TOGARAM2: variants seen among roughly 807,000 people sequenced by gnomAD.
The protein encoded by TOGARAM2 is TOG array regulator of axonemal microtubules 2.
TOGARAM2 carries 85 observed loss-of-function variants against 93.3 expected under a neutral mutation model. The observed-to-expected ratio is 0.91, with a 90% CI of 0.76 to 1.09. The LOEUF is 1.09. Among genes scored for constraint, TOGARAM2 ranks in the 50% least tolerant of loss-of-function variants. The pLI, the probability that TOGARAM2 is intolerant of heterozygous loss-of-function variation, is 0.00. For synonymous variants in TOGARAM2, 593 were observed against 552.8 expected (o/e 1.07, Z -1.02); for missense variants, 1,277 against 1,334.5 (o/e 0.96, Z 0.67).
chr2:29,006,898 C>T (rs1385582123), intron 6 of TOGARAM2, among the ~76,000 whole-genome samples: 1 of 152,164 alleles, frequency 6.6e-6, no homozygotes, highest in Non-Finnish European at 1.5e-5. Context: ...GACTCACTGG[C>T]CCCAGACCTG....
At position 29,024,232 on chromosome 2, in the gene TOGARAM2, G is replaced by C. The variant is rs374395431; in HGVS notation, c.1711G>C (p.Glu571Gln). The C allele has an allele frequency of 6.2e-7, 1 of 1,610,490 alleles. No individual in the cohort carries two copies. ...ALKKNMDQEA[E>Q]EIARCLLQKM... is the part of the protein sequence containing the mutation. ...GAAGAAGAATATGGACCAGGAGGCCGAGGAGATCGCCCGCTGCTTGCTGCA... is the reference window on the plus strand; with the variant it reads ...GAAGAAGAATATGGACCAGGAGGCCCAGGAGATCGCCCGCTGCTTGCTGCA... The change falls in exon 13 of 20, where the codon GAG becomes CAG. Residue 571 changes from glutamate to glutamine, a missense_variant. By Grantham distance (29) the Glu-to-Gln change is conservative. Coordinates refer to ENST00000379558, the MANE Select transcript of TOGARAM2 (RefSeq NM_199280.4).
chr2:29,006,545 C>A (rs1055723272), intron 6 of TOGARAM2, among the ~76,000 whole-genome samples: 3 of 152,062 alleles, frequency 2.0e-5, no homozygotes, highest in African/African-American at 7.3e-5. Context: ...TCAGTAGAGT[C>A]ACAATCCAGT....
intron 15 of TOGARAM2, 67 bp downstream of exon 15, chr2:29,033,118 G>A: frequency 2.2e-6 from 3 of 1,341,560 alleles, no homozygotes; most frequent in Non-Finnish European, 3.2e-6. Flanking sequence ...GAGCCTGGTA[G>A]CCTTCATGTG....
chr2:28,995,909 T>C (rs1199532427), intron 2 of TOGARAM2, among the ~76,000 whole-genome samples: 1 of 152,190 alleles, frequency 6.6e-6, no homozygotes, highest in Non-Finnish European at 1.5e-5. Flanking sequence ...CGGGAAGGGC[T>C]GAGCCAGGAG....
chr2:28,959,879 T>C (rs1180989966), intron 1 of TOGARAM2, among the ~76,000 whole-genome samples: 5 of 152,242 alleles, frequency 3.3e-5, no homozygotes, highest in African/African-American at 1.2e-4. Flanking sequence ...ATTGTGTCAT[T>C]GTGAGAATCA....
chr2:29,041,177 A>T (rs1666414303), intron 18 of TOGARAM2, among the ~76,000 whole-genome samples: 1 of 152,032 alleles, frequency 6.6e-6, no homozygotes, highest in Non-Finnish European at 1.5e-5. Context: ...GGTGCATGTC[A>T]CCACACCCGG....
chr2:29,011,623 TCA>T (rs1664252687), intron 7 of TOGARAM2, 122 bp downstream of exon 7: 1 of 1,005,888 alleles, frequency 9.9e-7, no homozygotes, highest in Non-Finnish European at 1.4e-6. Flanking sequence ...GCCCTTCATT[TCA>T]CAGCAGGAAG....
In TOGARAM2 at chr2:28,999,392, G is replaced by T; in HGVS notation, c.351G>T (p.Val117=). 1.9e-6 allele frequency: 3 copies of T among 1,613,472 alleles called. No homozygotes were observed. The highest frequency in any genetic ancestry group is 1.7e-6 in the Non-Finnish European group (2 of 1,179,696). Residue 117 remains valine, a synonymous_variant, in exon 4 of 20, where the codon GTG becomes GTT. Coordinates refer to ENST00000379558, the MANE Select transcript of TOGARAM2 (RefSeq NM_199280.4). ...LPSPESEANS[V]ARDTIQIKDK... ...CTCCGGAGTCAGAGGCCAACAGCGT[G>T]GCCAGGGACACCATCCAGATTAAGG...
At chr2:29,048,596 G>A (rs1367363621) in intron 19 of TOGARAM2, 1 of 151,244 alleles carries the variant, frequency 6.6e-6, no homozygotes, top group African/African-American at 2.4e-5. Context: ...TGTACAGTTT[G>A]TCTTTTTGTG....
chr2:28,964,025 A>T (rs981757381), intron 1 of TOGARAM2, among the ~76,000 whole-genome samples: 1 of 152,198 alleles, frequency 6.6e-6, no homozygotes, highest in African/African-American at 2.4e-5. Context: ...AAGAATGTGT[A>T]TCTGCTATTG....
chr2:29,015,036 G>A (rs1664475961), intron 8 of TOGARAM2, among the ~76,000 whole-genome samples: 1 of 152,204 alleles, frequency 6.6e-6, no homozygotes, highest in Admixed American at 6.5e-5. Context: ...AGGTGACCTT[G>A]GAAGGTGGTC....
chr2:28,967,339 G>T (rs1211041730), intron 1 of TOGARAM2, among the ~76,000 whole-genome samples: 1 of 152,150 alleles, frequency 6.6e-6, no homozygotes, highest in Admixed American at 6.5e-5. Flanking sequence ...GCCATGCATG[G>T]TGGAGTGCAC....
At position 28,998,250 on chromosome 2, in the gene TOGARAM2, G is replaced by A; in HGVS notation, c.136G>A (p.Glu46Lys). ...GSINSSLPHGEGSLQPEPRAL... is the reference protein window; with the variant it reads ...GSINSSLPHGKGSLQPEPRAL... ...CATCAACTCCAGTCTGCCTCATGGA[G>A]AAGGTGAGATGGGAAGACCTCACCT... The change falls in exon 3 of 20, where the codon GAA (glutamate) becomes AAA (lysine). Residue 46 changes from glutamate to lysine, a missense_variant. Glu to Lys is a moderately conservative substitution (Grantham distance 56, BLOSUM62 1). Transcript: ENST00000379558. The A allele has an allele frequency of 6.2e-7, 1 of 1,609,452 alleles. No individual in the cohort carries two copies. Among genetic ancestry groups the A allele is most frequent in the South Asian group, 1.1e-5 (1 of 89,976 alleles).
chr2:29,046,002 AC>A (rs1303532687), intron 19 of TOGARAM2: 2 of 158,124 alleles, frequency 1.3e-5, no homozygotes, highest in Admixed American at 6.1e-5. Context: ...AGTTGACAGC[AC>A]CATCAAGAGA....
At chr2:29,046,400 C>G (rs1666746838) in intron 19 of TOGARAM2, 1 of 152,316 alleles carries the variant, frequency 6.6e-6, no homozygotes, top group Non-Finnish European at 1.5e-5. Context: ...TCCTCCCCTG[C>G]CTTGGGAAGG....
Position 29,052,059 on chromosome 2 carries a change from C to T in TOGARAM2, c.3026C>T (p.Thr1009Ile), listed in dbSNP as rs761054708. 1.2e-6 allele frequency: 2 copies of T among 1,603,492 alleles called. No individual in the cohort carries two copies. Among genetic ancestry groups the T allele is most frequent in the East Asian group, 2.2e-5 (1 of 44,564 alleles). The change falls in exon 20 of 20, where the codon ACA (threonine) becomes ATA (isoleucine). Residue 1009 changes from threonine to isoleucine, a missense_variant. Transcript: ENST00000379558. ...TDRGVAPDSK[T>I]TGSSYPFQLD ...AGAGGGGTGGCCCCTGACAGCAAGA[C>T]AACTGGCAGCTCATACCCTTTTCAG...
chr2:28,986,749 C>T (rs1672488352), intron 1 of TOGARAM2, among the ~76,000 whole-genome samples: 2 of 152,346 alleles, frequency 1.3e-5, no homozygotes, highest in South Asian at 4.1e-4. Context: ...CATTTCCCCT[C>T]TTCCTGAACA....
chr2:29,034,013 A>G (rs1265825319), intron 16 of TOGARAM2, among the ~76,000 whole-genome samples: 1 of 152,138 alleles, frequency 6.6e-6, no homozygotes, highest in African/African-American at 2.4e-5. Flanking sequence ...GGGAGCAGTT[A>G]GAAACCAAGC....
chr2:29,014,470 C>G lies in TOGARAM2; in HGVS notation c.953C>G (p.Ser318Cys). Reference sequence around the variant, plus strand: ...AAGCCTGCCCTGCCTTTTTCTCAGTCTGCTCCCACGCTGACAGCCTTCTCC... The same window carrying G: ...AAGCCTGCCCTGCCTTTTTCTCAGTGTGCTCCCACGCTGACAGCCTTCTCC... ...AKKPALPFSQ[S>C]APTLTAFSFD... The change falls in exon 8 of 20, where the codon TCT becomes TGT. Residue 318 changes from serine (S) to cysteine (C), a missense_variant. By Grantham distance (112) the Ser-to-Cys change is moderately radical. Transcript: ENST00000379558. 6 of 1,601,252 alleles carry G rather than the reference C, an allele frequency of 3.7e-6. No individual in the cohort carries two copies. Among genetic ancestry groups the G allele is most frequent in the Non-Finnish European group, 4.3e-6 (5 of 1,174,198 alleles).
Sources: allele counts gnomAD v4.1 joint callset (sites outside exome capture counted in the v4.1 genomes callset), GRCh38; gene constraint gnomAD v4.1.1; transcripts MANE v1.5; gene names NCBI Gene and HGNC (gene_info 2026-07-23, HGNC 2026-07-21).